The following LRRTM4 variants were observed in gnomAD, a reference collection of about 807,000 sequenced individuals.
The protein encoded by LRRTM4 is leucine rich repeat transmembrane neuronal 4.
A neutral mutation model predicts 47.6 loss-of-function variants in LRRTM4; 25 were observed. The observed-to-expected ratio is 0.53, with a 90% CI of 0.38 to 0.73. The LOEUF is 0.73. Among genes scored for constraint, LRRTM4 ranks in the 30% least tolerant of loss-of-function variants. LRRTM4 has a pLI of 0.00. For synonymous variants in LRRTM4, 311 were observed against 269.5 expected (o/e 1.15, Z -1.51); for missense variants, 638 against 713.4 (o/e 0.89, Z 1.20).
intron 3 of LRRTM4, among the ~76,000 whole-genome samples, chr2:76,852,314 G>A (rs965710849): frequency 6.6e-6 from 1 of 152,010 alleles, no homozygotes; most frequent in African/African-American, 2.4e-5. Flanking sequence ...TCACAGCTTC[G>A]TACCATCCTT....
intron 3 of LRRTM4, among the ~76,000 whole-genome samples, chr2:77,295,158 G>T (rs868572657): frequency 2.6e-5 from 4 of 151,886 alleles, no homozygotes; most frequent in Non-Finnish European, 4.4e-5. Flanking sequence ...ATGCAGATAT[G>T]GTCATTCTTT....
chr2:77,447,025 T>C (rs1170483422), intron 3 of LRRTM4, among the ~76,000 whole-genome samples: 1 of 152,058 alleles, frequency 6.6e-6, no homozygotes, highest in East Asian at 1.9e-4. Context: ...AATCTAGTGA[T>C]GCAAAACAAT....
chr2:77,186,375 T>C (rs995109843), intron 3 of LRRTM4, among the ~76,000 whole-genome samples: 32 of 152,254 alleles, frequency 2.1e-4, no homozygotes, highest in African/African-American at 6.0e-4. Context: ...AGATATTTGG[T>C]TGAAATGCAT....
At chr2:77,371,407 T>G (rs1329359541) in intron 3 of LRRTM4, among the ~76,000 whole-genome samples, 1 of 151,760 alleles carries the variant, frequency 6.6e-6, no homozygotes, top group Non-Finnish European at 1.5e-5. Context: ...ATTCCCTTCC[T>G]CAAAATTTCA....
intron 3 of LRRTM4, among the ~76,000 whole-genome samples, chr2:77,277,965 C>T (rs1382568341): frequency 1.3e-5 from 2 of 151,916 alleles, no homozygotes; most frequent in Non-Finnish European, 2.9e-5. Context: ...GAGTATTTCA[C>T]TTGAGTTTCT....
intron 3 of LRRTM4, among the ~76,000 whole-genome samples, chr2:77,148,287 T>G (rs897190494): frequency 1.3e-5 from 2 of 152,192 alleles, no homozygotes; most frequent in Admixed American, 6.5e-5. Context: ...GGGAATGATT[T>G]GGCATATCTT....
At chr2:77,447,835 T>C (rs1216116369) in intron 3 of LRRTM4, among the ~76,000 whole-genome samples, 1 of 152,198 alleles carries the variant, frequency 6.6e-6, no homozygotes, top group Non-Finnish European at 1.5e-5. Flanking sequence ...TGTAGTTTAA[T>C]GATGTTGGCA....
chr2:76,898,237 ACTT>A (rs1558722193), intron 3 of LRRTM4, among the ~76,000 whole-genome samples: 1 of 152,074 alleles, frequency 6.6e-6, no homozygotes, highest in Non-Finnish European at 1.5e-5. Flanking sequence ...TTGACAAATT[ACTT>A]CTTTTCTCTT....
At chr2:77,486,241 T>G (rs1677905817) in intron 3 of LRRTM4, among the ~76,000 whole-genome samples, 1 of 152,232 alleles carries the variant, frequency 6.6e-6, no homozygotes. Context: ...GCAGTTGTTC[T>G]AATGGAAGCT....
chr2:77,045,665 G>C (rs1029283013), intron 3 of LRRTM4, among the ~76,000 whole-genome samples: 1 of 151,932 alleles, frequency 6.6e-6, no homozygotes, highest in African/African-American at 2.4e-5. Context: ...TTTGCTTGCT[G>C]CCATCCATGT....
chr2:77,254,312 C>T (rs6721283), intron 3 of LRRTM4, among the ~76,000 whole-genome samples: 18,613 of 151,594 alleles, frequency 0.12, 3,811 homozygotes, highest in African/African-American at 0.42. Flanking sequence ...GCAAAACTAT[C>T]CTTCATAAAT....
At chr2:77,034,429 C>A (rs1490670911) in intron 3 of LRRTM4, among the ~76,000 whole-genome samples, 5 of 151,878 alleles carry the variant, frequency 3.3e-5, no homozygotes, top group Admixed American at 3.3e-4. Flanking sequence ...ATGCACATTC[C>A]TAGACATAAA....
At chr2:76,818,520 T>C (rs75374824) in intron 3 of LRRTM4, among the ~76,000 whole-genome samples, 4,103 of 151,930 alleles carry the variant, frequency 0.027, 178 homozygotes, top group East Asian at 0.088. Context: ...CTATTACACA[T>C]TGAAAGAACT....
At position 76,812,791 on chromosome 2, in the gene LRRTM4, TCC is replaced by T. The variant is rs1366507886; in HGVS notation, c.1552-63877_1552-63876del. 3.1e-4 allele frequency among the ~76,000 whole-genome samples: 15 copies of T among 48,758 alleles called. No homozygotes were observed. In the South Asian group the frequency reaches 0.014, roughly 46 times the overall value. The allele number at this position is 48,758 out of a possible 152,430, so 32.0% of individuals were successfully genotyped here. ...CTCTCCCTCCCCCTCCTCCTCTCCCTCCCCCCCCTCCTCCTCCTTATTCTTCC... is the reference window on the plus strand; with the variant it reads ...CTCTCCCTCCCCCTCCTCCTCTCCCTCCCCCCTCCTCCTCCTTATTCTTCC... On this transcript the variant is annotated intron_variant, in intron 3 of 3. Transcript: ENST00000409884.
chr2:77,208,083 T>A (rs1302650849), intron 3 of LRRTM4, among the ~76,000 whole-genome samples: 1 of 151,940 alleles, frequency 6.6e-6, no homozygotes, highest in East Asian at 1.9e-4. Flanking sequence ...TTCACCATGT[T>A]GGCCAGGCTG....
At chr2:76,998,670 A>AG (rs141168779) in intron 3 of LRRTM4, among the ~76,000 whole-genome samples, 9,334 of 152,080 alleles carry the variant, frequency 0.061, 875 homozygotes, top group African/African-American at 0.2. Context: ...CCCGTTGGAG[A>AG]GAAAAAAAAC....
At chr2:77,246,901 A>C (rs1452427557) in intron 3 of LRRTM4, among the ~76,000 whole-genome samples, 1 of 152,012 alleles carries the variant, frequency 6.6e-6, no homozygotes, top group African/African-American at 2.4e-5. Flanking sequence ...CTTTTTTATC[A>C]AGCAAAATAT....
intron 3 of LRRTM4, chr2:77,518,054 T>TA: frequency 8.3e-7 from 1 of 1,199,404 alleles, no homozygotes; most frequent in Non-Finnish European, 1.0e-6. Context: ...TACAAATTGT[T>TA]AAAAAGCAGA....
At chr2:76,892,347 T>G (rs531596408) in intron 3 of LRRTM4, among the ~76,000 whole-genome samples, 3 of 151,830 alleles carry the variant, frequency 2.0e-5, no homozygotes, top group East Asian at 1.9e-4. Context: ...CTTATATGTG[T>G]TTAAACTCTC....
Sources: allele counts gnomAD v4.1 joint callset (sites outside exome capture counted in the v4.1 genomes callset), GRCh38; gene constraint gnomAD v4.1.1; transcripts MANE v1.5; gene names NCBI Gene and HGNC (gene_info 2026-07-23, HGNC 2026-07-21).